ITGB3BP: variants seen among roughly 807,000 people sequenced by gnomAD.
The protein encoded by ITGB3BP is integrin subunit beta 3 binding protein, also known as centromere protein R.
In ITGB3BP, 27 loss-of-function variants were observed where a neutral mutation model predicts 29.1. The observed-to-expected ratio is 0.93, with a 90% CI of 0.68 to 1.28. The LOEUF is 1.28. Ranked by LOEUF, ITGB3BP falls within the 50% of genes most tolerant of loss-of-function variation. The pLI, the probability that ITGB3BP is intolerant of heterozygous loss-of-function variation, is 0.00. For missense variants in ITGB3BP, 192 were observed against 200.2 expected, an observed-to-expected ratio of 0.96 and a Z score of 0.25; for synonymous variants, 61 against 61.4, an observed-to-expected ratio of 0.99 and a Z score of 0.03.
chr1:63,511,977 A>AT lies in ITGB3BP; in HGVS notation c.6-3408dup, dbSNP rs546371773. Among the ~76,000 whole-genome samples the AT allele has an allele frequency of 4.7e-4, 71 of 152,080 alleles. 1 individual carries two copies. The highest frequency in any genetic ancestry group is 1.6e-3 in the African/African-American group (67 of 41,518). On this transcript the variant is annotated intron_variant, in intron 1 of 8. Transcript: ENST00000271002. ...ATTTAGCACAATTTAAAAATAGATA[A>AT]TTTTTTTAAAGGATATCTACTTATT...
In ITGB3BP at chr1:63,441,039, C is replaced by T. The variant is rs964253006; in HGVS notation, c.*66G>A. On this transcript the variant is annotated 3_prime_UTR_variant, in exon 9 of 9. Transcript: ENST00000271002. ...GATTAATTACAAATATTTCTCTGTT[C>T]CTTTAAATATGATCAGGCAGATGCA... The T allele has an allele frequency of 6.6e-6, 1 of 152,592 alleles. No individual in the cohort carries two copies. The highest frequency in any genetic ancestry group is 6.5e-5 in the Admixed American group (1 of 15,278). The allele number at this position is 152,592 out of a possible 1,614,324, so 9.5% of individuals were successfully genotyped here. A position where few individuals can be genotyped will look rare whatever the true frequency, so the allele number is the denominator to read the frequency against.
At chr1:63,452,196 A>T (rs987464987) in intron 7 of ITGB3BP, 25 of 152,146 alleles carry the variant, frequency 1.6e-4, no homozygotes, top group African/African-American at 4.3e-4. Context: ...AATATAAATT[A>T]AAAAAATTTT....
At chr1:63,517,409 TAAAA>T (rs1369795147) in intron 1 of ITGB3BP, among the ~76,000 whole-genome samples, 1 of 151,334 alleles carries the variant, frequency 6.6e-6, no homozygotes. Flanking sequence ...TAAAAATAAA[TAAAA>T]AATAAATAAA....
At chr1:63,523,661 T>C (rs1228483696), upstream of ITGB3BP, 1 of 178,332 alleles carries the variant, frequency 5.6e-6, no homozygotes, top group Non-Finnish European at 1.2e-5. Flanking sequence ...TGTCTCTGTC[T>C]CTTCGCTCCC....
intron 2 of ITGB3BP, among the ~76,000 whole-genome samples, chr1:63,497,479 C>T (rs1645816387): frequency 1.3e-5 from 2 of 151,978 alleles, no homozygotes; most frequent in Admixed American, 6.6e-5. Flanking sequence ...ATTTACCTGC[C>T]GTAAAAGCAC....
At chr1:63,479,127 T>C (rs1333591491) in intron 3 of ITGB3BP, among the ~76,000 whole-genome samples, 1 of 152,140 alleles carries the variant, frequency 6.6e-6, no homozygotes, top group East Asian at 1.9e-4. Flanking sequence ...TTAGTAAACT[T>C]TATTAGATAA....
intron 8 of ITGB3BP, among the ~76,000 whole-genome samples, chr1:63,443,891 T>A (rs1218572688): frequency 6.6e-6 from 1 of 152,086 alleles, no homozygotes; most frequent in African/African-American, 2.4e-5. Context: ...TTGGGGGACA[T>A]TGTATGGCAG....
chr1:63,508,335 G>C (rs982084969), intron 2 of ITGB3BP, among the ~76,000 whole-genome samples, 193 bp downstream of exon 2: 1 of 151,838 alleles, frequency 6.6e-6, no homozygotes, highest in Non-Finnish European at 1.5e-5. Flanking sequence ...AAGCTGGCCA[G>C]GAACTTCCAC....
intron 4 of ITGB3BP, among the ~76,000 whole-genome samples, chr1:63,470,895 T>C (rs764891159): frequency 6.6e-6 from 1 of 152,206 alleles, no homozygotes; most frequent in African/African-American, 2.4e-5. Flanking sequence ...GTTCCAGTTG[T>C]TCCACATTCT....
At position 63,454,743 on chromosome 1, in the gene ITGB3BP, G is replaced by C. The variant is rs1278520890; in HGVS notation, c.333+147C>G. The C allele has an allele frequency of 5.1e-5, 24 of 469,016 alleles. No individual in the cohort carries two copies. In the East Asian group the frequency reaches 6.3e-4, roughly 12 times the overall value. The allele number at this position is 469,016 out of a possible 1,614,324, so 29.1% of individuals were successfully genotyped here. On this transcript the variant is annotated intron_variant, in intron 5 of 8. Coordinates refer to ENST00000271002, the MANE Select transcript of ITGB3BP (RefSeq NM_014288.5). The surrounding 1 kb of genome is among the most constrained non-coding windows in gnomAD (Gnocchi z 4.1). Reference sequence around the variant, plus strand: ...ATTACTAAAATATTATGGTTAAATAGTGTTCTCCTATTAAAAAAAAAATTC... The same window carrying C: ...ATTACTAAAATATTATGGTTAAATACTGTTCTCCTATTAAAAAAAAAATTC...
At position 63,494,088 on chromosome 1, in the gene ITGB3BP, G is replaced by A. The variant is rs1156963051; in HGVS notation, c.49-3870C>T. Among the ~76,000 whole-genome samples the A allele has an allele frequency of 5.3e-5, 8 of 151,894 alleles. No individual in the cohort carries two copies. The East Asian group carries it at 7.7e-4, about 15-fold the overall frequency. ...CTCTAGCATTAGCTGCCTCAGAGAC[G>A]TTTCACAATTTGGGCCTAAGGTGCC... is the stretch of plus-strand genomic sequence containing the variant. On this transcript the variant is annotated intron_variant, in intron 2 of 8. Coordinates refer to ENST00000271002, the MANE Select transcript of ITGB3BP (RefSeq NM_014288.5).
At chr1:63,526,808 A>C (rs1419129019), upstream of ITGB3BP, among the ~76,000 whole-genome samples, 3 of 151,920 alleles carry the variant, frequency 2.0e-5, no homozygotes, top group Non-Finnish European at 4.4e-5. Context: ...TCTGTCTTCC[A>C]GGCTGGAGTG....
At chr1:63,527,258 A>G (rs907114529), upstream of ITGB3BP, among the ~76,000 whole-genome samples, 1 of 152,214 alleles carries the variant, frequency 6.6e-6, no homozygotes, top group Admixed American at 6.5e-5. Context: ...TTATGAAATT[A>G]TCTGGGAGGA....
intron 3 of ITGB3BP, among the ~76,000 whole-genome samples, chr1:63,486,151 CTGAG>C (rs1645525019): frequency 6.6e-6 from 1 of 151,972 alleles, no homozygotes; most frequent in Non-Finnish European, 1.5e-5. Context: ...TTGTTATAGT[CTGAG>C]TGATTTTTAC....
intron 1 of ITGB3BP, among the ~76,000 whole-genome samples, chr1:63,521,861 G>T (rs1646457106): frequency 6.6e-6 from 1 of 152,152 alleles, no homozygotes; most frequent in South Asian, 2.1e-4. Context: ...AGTTCAGGAG[G>T]TATTACCACT....
intron 1 of ITGB3BP, among the ~76,000 whole-genome samples, chr1:63,518,703 C>T: frequency 6.6e-6 from 1 of 151,218 alleles, no homozygotes; most frequent in East Asian, 1.9e-4. Context: ...GATGTCTTTA[C>T]TGCACTTAAA....
At chr1:63,487,988 T>A (rs938321519) in intron 3 of ITGB3BP, among the ~76,000 whole-genome samples, 1 of 152,168 alleles carries the variant, frequency 6.6e-6, no homozygotes, top group Admixed American at 6.6e-5. Flanking sequence ...AATGTTATTA[T>A]GTGCTGCATG....
intron 1 of ITGB3BP, 162 bp downstream of exon 1, chr1:63,522,967 G>A (rs775110926): frequency 1.2e-6 from 1 of 827,950 alleles, no homozygotes; most frequent in Non-Finnish European, 2.2e-6. Context: ...TGGAGGAGAC[G>A]TAGAGTTGAG....
upstream of ITGB3BP, chr1:63,523,281 T>A: frequency 9.9e-7 from 1 of 1,011,222 alleles, no homozygotes; most frequent in South Asian, 1.4e-5. Context: ...GGAAACATCC[T>A]CCCCGCGACG....
Sources: gnomAD v4.1 joint callset for allele counts (sites outside exome capture counted in the v4.1 genomes callset) on GRCh38, gnomAD v4.1.1 for gene constraint, Gnocchi (gnomAD v3.1) non-coding constraint, MANE v1.5 for transcripts, NCBI Gene and HGNC (gene_info 2026-07-23, HGNC 2026-07-21) for gene names.